The following TESK2 variants were observed in gnomAD, a reference collection of about 807,000 sequenced individuals.
TESK2 encodes the protein testis associated actin remodelling kinase 2.
A neutral mutation model predicts 57.1 loss-of-function variants in TESK2; 39 were observed. The ratio of observed to expected loss-of-function variants is 0.68; its 90% CI spans 0.53 to 0.89. TESK2 has a LOEUF of 0.89. TESK2 is among the 40% of genes least tolerant of loss of function. The pLI, the probability that TESK2 is intolerant of heterozygous loss-of-function variation, is 0.00. For missense variants in TESK2, 646 were observed against 732.1 expected (o/e 0.88, Z 1.36); for synonymous variants, 249 against 267.9 (o/e 0.93, Z 0.69).
At chr1:45,430,349 G>T (rs1650899748) in intron 2 of TESK2, among the ~76,000 whole-genome samples, 1 of 152,122 alleles carries the variant, frequency 6.6e-6, no homozygotes, top group Non-Finnish European at 1.5e-5. Context: ...AAATTAGCTG[G>T]TTGTGGTGGT....
At chr1:45,407,839 A>C (rs1330517466) in intron 3 of TESK2, among the ~76,000 whole-genome samples, 2 of 152,158 alleles carry the variant, frequency 1.3e-5, no homozygotes, top group Non-Finnish European at 2.9e-5. Context: ...GAAAGGACTT[A>C]TATGCATGCC....
chr1:45,433,773 T>C (rs558272334), intron 2 of TESK2, among the ~76,000 whole-genome samples: 1 of 152,332 alleles, frequency 6.6e-6, no homozygotes, highest in African/African-American at 2.4e-5. Flanking sequence ...TTTGGTATAT[T>C]GATTTCCCTT....
chr1:45,485,264 C>A lies in TESK2; in HGVS notation c.-87+5588G>T, dbSNP rs868052700. On this transcript the variant is annotated intron_variant, in intron 1 of 10. Transcript: ENST00000372086. ...AGTGCAGTGGCGCGATCTCGGCTCA[C>A]TGAAGCTCCACCTCCCGGGTTCACG... is the stretch of plus-strand genomic sequence containing the variant. 3.0e-4 allele frequency among the ~76,000 whole-genome samples: 45 copies of A among 150,006 alleles called. 1 individual carries two copies. In the Middle Eastern group the frequency reaches 0.034, roughly 115 times the overall value.
At position 45,433,064 on chromosome 1, in the gene TESK2, G is replaced by A. The variant is rs1052645158; in HGVS notation, c.223-11218C>T. On this transcript the variant is annotated intron_variant, in intron 2 of 10. Coordinates refer to ENST00000372086, the MANE Select transcript of TESK2 (RefSeq NM_007170.3). Reference sequence around the variant, plus strand: ...CAAGCATGAGCCACCGCGCCCAGCCGCTTTTTTTTTTTTTTTTTTTTTTTT... The same window carrying A: ...CAAGCATGAGCCACCGCGCCCAGCCACTTTTTTTTTTTTTTTTTTTTTTTT... Among the ~76,000 whole-genome samples the A allele has an allele frequency of 2.6e-4, 24 of 93,388 alleles. No homozygotes were observed. The Admixed American group carries it at 3.6e-3, about 14-fold the overall frequency. The allele number at this position is 93,388 out of a possible 152,430, so 61.3% of individuals were successfully genotyped here. A position where few individuals can be genotyped will look rare whatever the true frequency, so the allele number is the denominator to read the frequency against.
intron 2 of TESK2, among the ~76,000 whole-genome samples, chr1:45,424,416 C>T (rs1211670872): frequency 1.3e-5 from 2 of 152,194 alleles, no homozygotes; most frequent in Non-Finnish European, 2.9e-5. Flanking sequence ...TCTCCTAGAT[C>T]ACTGAGTGAG....
chr1:45,392,108 G>A (rs1176633498), intron 3 of TESK2, among the ~76,000 whole-genome samples: 1 of 152,058 alleles, frequency 6.6e-6, no homozygotes, highest in Admixed American at 6.6e-5. Flanking sequence ...GACTGATTGA[G>A]ACTGTCTCGC....
At position 45,421,828 on chromosome 1, in the gene TESK2, C is replaced by A; in HGVS notation, c.241G>T (p.Gly81Cys). ...TTCATCTTAAGAGCCATCACCTGAC[C>A]AGAAGCTCGGTGTCGTACCTAGAAT... ...EVFKVRHRAS[G>C]QVMALKMNTL... Residue 81 changes from glycine (G) to cysteine (C), a missense_variant, in exon 3 of 11, where the codon GGT becomes TGT. Physicochemically the swap from Gly to Cys is radical, Grantham distance 159 (BLOSUM62 -3). Transcript: ENST00000372086. 1 of 1,614,028 alleles carries A rather than the reference C, an allele frequency of 6.2e-7. No homozygotes were observed.
At chr1:45,450,002 A>G (rs558008075) in intron 2 of TESK2, among the ~76,000 whole-genome samples, 1 of 152,212 alleles carries the variant, frequency 6.6e-6, no homozygotes, top group African/African-American at 2.4e-5. Flanking sequence ...TGAAATATAT[A>G]TGCTAATTTA....
chr1:45,480,458 C>CAA lies in TESK2; in HGVS notation c.-87+10392_-87+10393dup, dbSNP rs112614744. On this transcript the variant is annotated intron_variant, in intron 1 of 10. Coordinates refer to ENST00000372086, the MANE Select transcript of TESK2 (RefSeq NM_007170.3). ...GGGCAACAGAGCAAAACTCAGTCTC[C>CAA]AAAAAAAAAAAAAAAAGAAATCTCA... Among the ~76,000 whole-genome samples, 433 of 74,098 alleles carry CAA rather than the reference C, an allele frequency of 5.8e-3. 1 individual carries two copies. The highest frequency in any genetic ancestry group is 0.017 in the African/African-American group (383 of 22,648). 48.6% of individuals were successfully genotyped at this position (74,098 alleles called of 152,430 possible).
At chr1:45,442,653 C>T (rs1651490494) in intron 2 of TESK2, among the ~76,000 whole-genome samples, 1 of 152,220 alleles carries the variant, frequency 6.6e-6, no homozygotes, top group Admixed American at 6.5e-5. Context: ...AGCTTTTCCA[C>T]TTACTAGAGG....
rs754585734 is a variant in TESK2, at chr1:45,385,710, G to GTATATATATATATATATATATATATA, written c.393+176_393+201dup. On this transcript the variant is annotated intron_variant, in intron 4 of 10. Transcript: ENST00000372086. Reference sequence around the variant, plus strand: ...ACTTAAAGTGTATGTGTGTGTGTGTGTATATATATATATATATATATATAT... The same window carrying GTATATATATATATATATATATATATA: ...ACTTAAAGTGTATGTGTGTGTGTGTGTATATATATATATATATATATATATATATATATATATATATATATATATAT... Among the ~76,000 whole-genome samples the GTATATATATATATATATATATATATA allele has an allele frequency of 5.3e-4, 72 of 135,250 alleles. 1 individual carries two copies. Among genetic ancestry groups the GTATATATATATATATATATATATATA allele is most frequent in the African/African-American group, 2.0e-3 (68 of 33,802 alleles). The allele number at this position is 135,250 out of a possible 152,430, so 88.7% of individuals were successfully genotyped here. A position where few individuals can be genotyped will look rare whatever the true frequency, so the allele number is the denominator to read the frequency against.
At chr1:45,443,920 C>T (rs539186534) in intron 2 of TESK2, among the ~76,000 whole-genome samples, 2 of 152,046 alleles carry the variant, frequency 1.3e-5, no homozygotes, top group East Asian at 3.9e-4. Context: ...GGCTCATGCC[C>T]GTAATCTCAA....
chr1:45,398,264 A>G (rs2149279170), intron 3 of TESK2, among the ~76,000 whole-genome samples: 1 of 151,630 alleles, frequency 6.6e-6, no homozygotes, highest in Middle Eastern at 3.4e-3. Context: ...TCTCTAGCTC[A>G]GAGATGTAAT....
chr1:45,395,606 TTTC>T (rs1384195723), intron 3 of TESK2, among the ~76,000 whole-genome samples: 2 of 150,694 alleles, frequency 1.3e-5, no homozygotes, highest in African/African-American at 4.9e-5. Context: ...TTTCTTTTCT[TTTC>T]TTTTTTTTTT....
intron 4 of TESK2, among the ~76,000 whole-genome samples, chr1:45,362,856 G>A (rs1205258912): frequency 6.6e-6 from 1 of 151,994 alleles, no homozygotes; most frequent in Non-Finnish European, 1.5e-5. Context: ...AGCCTAGATG[G>A]TCTAGTAGGG....
At chr1:45,469,290 C>T (rs1186003708) in intron 1 of TESK2, among the ~76,000 whole-genome samples, 1 of 152,064 alleles carries the variant, frequency 6.6e-6, no homozygotes, top group Admixed American at 6.6e-5. Flanking sequence ...ACTCTCAGAC[C>T]ACACTCCTGT....
chr1:45,459,140 C>A (rs542613613), intron 1 of TESK2, among the ~76,000 whole-genome samples: 38 of 152,348 alleles, frequency 2.5e-4, no homozygotes, highest in Admixed American at 2.2e-3. Flanking sequence ...ACCACAGTTT[C>A]TTTCCTGGCA....
At chr1:45,376,014 T>TGA (rs1648406541) in intron 4 of TESK2, among the ~76,000 whole-genome samples, 5 of 152,052 alleles carry the variant, frequency 3.3e-5, no homozygotes, top group African/African-American at 1.2e-4. Flanking sequence ...TTACTAAAAA[T>TGA]AAGAACAGAA....
chr1:45,348,140 CT>C (rs1460806128), intron 5 of TESK2, 140 bp from the exon 6 acceptor site: 5 of 665,364 alleles, frequency 7.5e-6, no homozygotes, highest in Non-Finnish European at 1.4e-5. Flanking sequence ...GCTGACCCCA[CT>C]GGTCAGGTCA....
Sources: allele counts gnomAD v4.1 joint callset (sites outside exome capture counted in the v4.1 genomes callset), GRCh38; gene constraint gnomAD v4.1.1; transcripts MANE v1.5; gene names NCBI Gene and HGNC (gene_info 2026-07-23, HGNC 2026-07-21).